Variants in SH3GLB2 observed in about 807,000 individuals in gnomAD.
SH3GLB2 encodes the protein endophilin-B2.
A neutral mutation model predicts 48.0 loss-of-function variants in SH3GLB2; 24 were observed. That is an observed-to-expected ratio of 0.50 (90% CI 0.36 to 0.70). The LOEUF is 0.70. SH3GLB2 is among the 30% of genes least tolerant of loss of function. The probability of loss-of-function intolerance (pLI) is 0.00; values close to 1 mark genes in which losing one functional copy is unlikely to be tolerated. For missense variants in SH3GLB2, 425 were observed against 516.0 expected, an observed-to-expected ratio of 0.82 and a Z score of 1.71; for synonymous variants, 227 against 207.6, an observed-to-expected ratio of 1.09 and a Z score of -0.80.
chr9:129,008,921 C>A, intron 10 of SH3GLB2, 130 bp from the exon 11 acceptor site: 1 of 1,270,124 alleles, frequency 7.9e-7, no homozygotes, highest in Non-Finnish European at 1.1e-6. Context: ...GGCTGGCGCT[C>A]ATCTCACTTG....
Position 129,011,694 on chromosome 9 carries a change from T to A in SH3GLB2, c.624+542A>T, listed in dbSNP as rs1843132395. Reference sequence around the variant, plus strand: ...TGTCCTCCCCACCTCCTGCCCCAACTCCCCTGGGGGCCCTGCCTAAGCCTC... The same window carrying A: ...TGTCCTCCCCACCTCCTGCCCCAACACCCCTGGGGGCCCTGCCTAAGCCTC... On this transcript the variant is annotated intron_variant, in intron 6 of 10. Coordinates refer to ENST00000372564, the MANE Select transcript of SH3GLB2 (RefSeq NM_020145.4). The surrounding 1 kb of genome is among the most constrained non-coding windows in gnomAD (Gnocchi z 4.5). 1 of 153,134 alleles carries A rather than the reference T, an allele frequency of 6.5e-6. No homozygotes were observed. 9.5% of individuals were successfully genotyped at this position (153,134 alleles called of 1,614,324 possible). A position where few individuals can be genotyped will look rare whatever the true frequency, so the allele number is the denominator to read the frequency against.
intron 1 of SH3GLB2, among the ~76,000 whole-genome samples, chr9:129,023,381 G>A (rs1050121359): frequency 1.4e-4 from 21 of 152,142 alleles, no homozygotes; most frequent in Non-Finnish European, 3.1e-4. Context: ...ATCTAAGAGG[G>A]CCCTGGAACA....
chr9:129,012,500 G>C, intron 5 of SH3GLB2: 2 of 418,426 alleles, frequency 4.8e-6, no homozygotes, highest in Non-Finnish European at 8.4e-6. Flanking sequence ...GGAGAGTCCA[G>C]ACAAAGATCA....
chr9:129,015,777 A>T (rs575979192), intron 3 of SH3GLB2: 5 of 270,744 alleles, frequency 1.8e-5, no homozygotes, highest in South Asian at 1.3e-4. Flanking sequence ...AGGCGGAAGG[A>T]TCATTTGAAC....
intron 3 of SH3GLB2, 125 bp downstream of exon 3, chr9:129,020,966 A>T: frequency 8.7e-7 from 1 of 1,148,694 alleles, no homozygotes; most frequent in Non-Finnish European, 1.1e-6. Flanking sequence ...TAGAGTTTTT[A>T]CATTTAGAAT....
At position 129,009,774 on chromosome 9, in the gene SH3GLB2, C is replaced by T. The variant is rs751752253; in HGVS notation, c.836G>A (p.Gly279Asp). The stretch of plus-strand genomic sequence containing the variant: ...TTCAGCAGTGCTGGCCCCGCACCTG[C>T]CCAGCTGCTTCTGCAAGTCCAGCAT... ...RHMLDLQKQL[G>D]RFPGTFVGTT... The change falls in exon 9 of 11, where the codon GGC becomes GAC. Residue 279 changes from glycine (G) to aspartate (D), a missense_variant. Coordinates refer to ENST00000372564, the MANE Select transcript of SH3GLB2 (RefSeq NM_020145.4). The T allele has an allele frequency of 8.7e-6, 14 of 1,612,158 alleles. No individual in the cohort carries two copies. The highest frequency in any genetic ancestry group is 1.3e-5 in the African/African-American group (1 of 74,932).
Position 129,009,411 on chromosome 9 carries a change from C to T in SH3GLB2, c.840-65G>A, listed in dbSNP as rs1457064923. 12 of 1,550,358 alleles carry T rather than the reference C, an allele frequency of 7.7e-6. No homozygotes were observed. In the Admixed American group the frequency reaches 2.4e-4, roughly 30 times the overall value. On this transcript the variant is annotated intron_variant, in intron 9 of 10. Coordinates refer to ENST00000372564, the MANE Select transcript of SH3GLB2 (RefSeq NM_020145.4). Reference sequence around the variant, plus strand: ...GAAGGGACCCCAGAGGCAAACTCCCCTCCCCAGCCCCAGGAGCCCCACTCC... The same window carrying T: ...GAAGGGACCCCAGAGGCAAACTCCCTTCCCCAGCCCCAGGAGCCCCACTCC...
intron 3 of SH3GLB2, among the ~76,000 whole-genome samples, chr9:129,016,991 A>G (rs1023488842): frequency 3.9e-5 from 5 of 129,040 alleles, no homozygotes; most frequent in African/African-American, 1.5e-4. Context: ...TCTGTCTCCC[A>G]GGCTGGAGTG....
At chr9:129,009,700 G>A (rs902161673) in intron 9 of SH3GLB2, 71 bp downstream of exon 9, 25 of 1,465,974 alleles carry the variant, frequency 1.7e-5, no homozygotes, top group Non-Finnish European at 2.3e-5. Context: ...GCCCAGAGGA[G>A]CTCATGCTGC....
intron 1 of SH3GLB2, among the ~76,000 whole-genome samples, chr9:129,023,698 C>T (rs900692463): frequency 6.6e-6 from 1 of 152,072 alleles, no homozygotes; most frequent in African/African-American, 2.4e-5. Flanking sequence ...GCGGGCTGGG[C>T]GGCCACCAGG....
In SH3GLB2 at chr9:129,028,287, C is replaced by CGCCTGCCGGCCTGCCCGCCTGCCG. The variant is rs1470971883; in HGVS notation, c.-134_-133insCGGCAGGCGGGCAGGCCGGCAGGC. 2.1e-6 allele frequency: 1 copy of CGCCTGCCGGCCTGCCCGCCTGCCG among 486,732 alleles called. No homozygotes were observed. The highest frequency in any genetic ancestry group is 2.1e-5 in the African/African-American group (1 of 46,982). 30.2% of individuals were successfully genotyped at this position (486,732 alleles called of 1,614,324 possible). The stretch of plus-strand genomic sequence containing the variant: ...CCGCGCACCCGCCTGCCGGCCTGCC[C>CGCCTGCCGGCCTGCCCGCCTGCCG]GCCTGCCCGCCCGCCGCAGCCGCCG... On this transcript the variant is annotated 5_prime_UTR_variant, in exon 1 of 11. Transcript: ENST00000372564.
chr9:129,010,012 AC>A, intron 8 of SH3GLB2, 107 bp downstream of exon 8: 1 of 1,383,388 alleles, frequency 7.2e-7, no homozygotes, highest in Non-Finnish European at 1.0e-6. Context: ...CCCCGGTGGG[AC>A]TTGCTCTGTG....
chr9:129,009,539 C>T (rs1366303538), intron 9 of SH3GLB2, 193 bp from the exon 10 acceptor site: 5 of 1,547,490 alleles, frequency 3.2e-6, no homozygotes, highest in South Asian at 1.2e-5. Context: ...CTGCCATCCT[C>T]CCCACCCAGG....
chr9:129,019,523 T>G (rs914982191), intron 3 of SH3GLB2, among the ~76,000 whole-genome samples: 4 of 151,742 alleles, frequency 2.6e-5, no homozygotes, highest in African/African-American at 9.7e-5. Context: ...CTGGATAACA[T>G]GGTGAAACCC....
At position 129,014,635 on chromosome 9, in the gene SH3GLB2, T is replaced by G; in HGVS notation, c.469-132A>C. 6.7e-7 allele frequency: 1 copy of G among 1,498,040 alleles called. No homozygotes were observed. 92.8% of individuals were successfully genotyped at this position (1,498,040 alleles called of 1,614,324 possible). ...CTGAGGCCCAGAGATAGGAGGTCAC[T>G]CAGTCCAAAGGAGCCCTCTCTGGGG... On this transcript the variant is annotated intron_variant, in intron 4 of 10. Transcript: ENST00000372564. The surrounding 1 kb of genome is among the most constrained non-coding windows in gnomAD (Gnocchi z 4.1).
rs929472341 is a variant in SH3GLB2 at position 129,014,188 on chromosome 9, C to T, written c.561+223G>A. 8.6e-5 allele frequency among the ~76,000 whole-genome samples: 13 copies of T among 152,020 alleles called. No homozygotes were observed. Among genetic ancestry groups the T allele is most frequent in the South Asian group, 4.1e-4 (2 of 4,824 alleles). On this transcript the variant is annotated intron_variant, in intron 5 of 10. Coordinates refer to ENST00000372564, the MANE Select transcript of SH3GLB2 (RefSeq NM_020145.4). This position sits in a 1 kb window ranked among gnomAD's most constrained non-coding sequence, Gnocchi z 4.1. ...CACCCAGCTGGGGGCACTGCTGGTC[C>T]GCCCACACCGTAGATATCTCCCTGG...
chr9:129,016,573 G>C (rs138410784), intron 3 of SH3GLB2, among the ~76,000 whole-genome samples: 1 of 151,198 alleles, frequency 6.6e-6, no homozygotes, highest in East Asian at 1.9e-4. Flanking sequence ...TAGGATAATC[G>C]CTTGAAACCG....
chr9:129,009,155 T>G lies in SH3GLB2; in HGVS notation c.1031A>C (p.Tyr344Ser). ...ASGTRKARVL[Y>S]DYEAADSSEL... is the part of the protein sequence containing the mutation. Reference sequence around the variant, plus strand: ...ACTGCTGTCGGCTGCCTCGTAGTCATAGAGCACCCGAGCTTTGCGGGTCCC... The same window carrying G: ...ACTGCTGTCGGCTGCCTCGTAGTCAGAGAGCACCCGAGCTTTGCGGGTCCC... Residue 344 changes from tyrosine (Y) to serine (S), a missense_variant, in exon 10 of 11, where the codon TAT becomes TCT. Tyr to Ser is a moderately radical substitution (Grantham distance 144). Transcript: ENST00000372564. The G allele has an allele frequency of 6.2e-7, 1 of 1,611,750 alleles. No homozygotes were observed. Among genetic ancestry groups the G allele is most frequent in the Non-Finnish European group, 8.5e-7 (1 of 1,179,762 alleles).
Position 129,019,330 on chromosome 9 carries a change from G to A in SH3GLB2, c.334+1761C>T, listed in dbSNP as rs188721512. Among the ~76,000 whole-genome samples, 480 of 152,170 alleles carry A rather than the reference G, an allele frequency of 3.2e-3. 9 individuals are homozygous for A. The highest frequency in any genetic ancestry group is 0.011 in the African/African-American group (452 of 41,418). On this transcript the variant is annotated intron_variant, in intron 3 of 10. Transcript: ENST00000372564. Reference sequence around the variant, plus strand: ...TTCAGCCCAAAAGGCAGAGGTTGCAGTGAGCTGAGATTGCACCACTGCAAT... The same window carrying A: ...TTCAGCCCAAAAGGCAGAGGTTGCAATGAGCTGAGATTGCACCACTGCAAT...
Sources: gnomAD v4.1 joint callset for allele counts (sites outside exome capture counted in the v4.1 genomes callset) on GRCh38, gnomAD v4.1.1 for gene constraint, Gnocchi (gnomAD v3.1) non-coding constraint, MANE v1.5 for transcripts, NCBI Gene and HGNC (gene_info 2026-07-23, HGNC 2026-07-21) for gene names.